FAM13A: variants seen among roughly 807,000 people sequenced by gnomAD.
The protein encoded by FAM13A is protein FAM13A.
Under a neutral mutation model 129.6 loss-of-function variants are expected in FAM13A, and 76 were observed. The observed-to-expected ratio is 0.59, with a 90% CI of 0.49 to 0.71. The LOEUF (loss-of-function observed/expected upper bound fraction) is 0.71, where lower values mean the gene tolerates loss of function less well. FAM13A is among the 30% of genes least tolerant of loss of function. The pLI is 0.00. For missense variants in FAM13A, 1,108 were observed against 1,249.3 expected (o/e 0.89, Z 1.70); for synonymous variants, 443 against 449.9 (o/e 0.98, Z 0.20).
At chr4:88,844,039 A>G (rs1044614010) in intron 7 of FAM13A, among the ~76,000 whole-genome samples, 11 of 152,350 alleles carry the variant, frequency 7.2e-5, no homozygotes, top group Middle Eastern at 3.4e-3. Flanking sequence ...TAGGTCAGCT[A>G]GATGAAGAAA....
intron 19 of FAM13A, among the ~76,000 whole-genome samples, chr4:88,740,472 G>T (rs1740001629): frequency 6.6e-6 from 1 of 152,174 alleles, no homozygotes; most frequent in Non-Finnish European, 1.5e-5. Context: ...ACATAAATAG[G>T]TGTGCCTGAT....
intron 1 of FAM13A, among the ~76,000 whole-genome samples, chr4:89,044,707 T>G (rs1367077031): frequency 6.6e-6 from 1 of 152,012 alleles, no homozygotes; most frequent in African/African-American, 2.4e-5. Context: ...AAATACAAGG[T>G]AGAATATACA....
At position 88,727,847 on chromosome 4, in the gene FAM13A, T is replaced by A. The variant is rs929547561; in HGVS notation, c.*686A>T. On this transcript the variant is annotated 3_prime_UTR_variant, in exon 24 of 24. Transcript: ENST00000264344. ...CTGTCCTCTGCAGATGACCCGGTCC[T>A]AGGCAGGGACCAAAATTCCTTGTCA... is the stretch of plus-strand genomic sequence containing the variant. 3 of 152,314 alleles carry A rather than the reference T, an allele frequency of 2.0e-5. No homozygotes were observed. Among genetic ancestry groups the A allele is most frequent in the African/African-American group, 7.2e-5 (3 of 41,468 alleles). 9.4% of individuals were successfully genotyped at this position (152,314 alleles called of 1,614,324 possible).
Position 88,791,835 on chromosome 4 carries a change from G to T in FAM13A, c.1050-1208C>A, listed in dbSNP as rs539397773. Among the ~76,000 whole-genome samples, 23 of 151,918 alleles carry T rather than the reference G, an allele frequency of 1.5e-4. No homozygotes were observed. In the South Asian group the frequency reaches 4.8e-3, roughly 32 times the overall value. On this transcript the variant is annotated intron_variant, in intron 8 of 23. Coordinates refer to ENST00000264344, the MANE Select transcript of FAM13A (RefSeq NM_014883.4). ...CAATGTAGAATCTCAAGGCCTCAAG[G>T]GACTGTACAATATTTCTCATTTTCT...
chr4:89,048,751 C>T (rs1422835304), intron 1 of FAM13A, among the ~76,000 whole-genome samples: 2 of 152,008 alleles, frequency 1.3e-5, no homozygotes, highest in African/African-American at 4.8e-5. Flanking sequence ...TTCAATAATT[C>T]TAGATGAAAT....
rs117625275 is a variant in FAM13A, at chr4:89,024,515, C to T, written c.218-3846G>A. ...ACCTTCATGCCAAATTGTTAAATTG[C>T]ATTTACGTGAAACAATAATAAAGCA... On this transcript the variant is annotated intron_variant, in intron 2 of 23. Transcript: ENST00000264344. Among the ~76,000 whole-genome samples the T allele has an allele frequency of 2.6e-3, 400 of 152,200 alleles. 13 individuals carry two copies. In the East Asian group the frequency reaches 0.059, roughly 23 times the overall value.
chr4:88,739,482 C>T (rs997125427), intron 19 of FAM13A, among the ~76,000 whole-genome samples: 14 of 151,844 alleles, frequency 9.2e-5, no homozygotes, highest in Admixed American at 3.3e-4. Context: ...TGCTATAAGA[C>T]GTATCATGTA....
chr4:88,835,641 T>C (rs72872120), intron 7 of FAM13A, among the ~76,000 whole-genome samples: 10,655 of 151,782 alleles, frequency 0.07, 531 homozygotes, highest in African/African-American at 0.14. Flanking sequence ...CTGGGGGAGA[T>C]GGGAGACAGT....
intron 5 of FAM13A, among the ~76,000 whole-genome samples, chr4:88,928,712 T>C (rs1354223333): frequency 5.6e-5 from 3 of 53,508 alleles, no homozygotes; most frequent in Non-Finnish European, 1.4e-4. Context: ...GTGGGTTTCT[T>C]GTGGGAGCAT....
rs138423322 is a variant in FAM13A, at chr4:88,872,679, A to G, written c.844-21496T>C. Among the ~76,000 whole-genome samples, 731 of 152,308 alleles carry G rather than the reference A, an allele frequency of 4.8e-3. 1 individual carries two copies. The highest frequency in any genetic ancestry group is 7.6e-3 in the Non-Finnish European group (520 of 68,018). On this transcript the variant is annotated intron_variant, in intron 6 of 23. Coordinates refer to ENST00000264344, the MANE Select transcript of FAM13A (RefSeq NM_014883.4). ...GCAAAGAGATGTAGACCCCCACACA[A>G]TAATAATGGGAGAGTTTTAACAACC...
At chr4:88,979,721 C>A (rs772452157) in intron 4 of FAM13A, among the ~76,000 whole-genome samples, 2 of 152,152 alleles carry the variant, frequency 1.3e-5, no homozygotes, top group Non-Finnish European at 2.9e-5. Context: ...CCCCTGTAAT[C>A]CCAGCATTTT....
intron 3 of FAM13A, among the ~76,000 whole-genome samples, chr4:89,009,929 G>T (rs563900213): frequency 6.6e-6 from 1 of 152,268 alleles, no homozygotes; most frequent in Admixed American, 6.5e-5. Context: ...CAGTTAAGAC[G>T]GCCCTTTTGA....
Position 88,958,658 on chromosome 4 carries a change from C to G in FAM13A, c.606-20417G>C, listed in dbSNP as rs191144845. On this transcript the variant is annotated intron_variant, in intron 4 of 23. Coordinates refer to ENST00000264344, the MANE Select transcript of FAM13A (RefSeq NM_014883.4). ...AAGCCCGCTGCAGGGGTTGAGCCCT[C>G]AGAGAGAACTTCTACTAGGACAGTG... Among the ~76,000 whole-genome samples, 880 of 152,340 alleles carry G rather than the reference C, an allele frequency of 5.8e-3. 7 individuals carry two copies. The highest frequency in any genetic ancestry group is 9.5e-3 in the Non-Finnish European group (646 of 68,034).
At position 88,737,505 on chromosome 4, in the gene FAM13A, CT is replaced by C; in HGVS notation, c.2612del (p.Glu871GlyfsTer11). The C allele has an allele frequency of 6.2e-7, 1 of 1,614,100 alleles. No homozygotes were observed. Among genetic ancestry groups the C allele is most frequent in the Non-Finnish European group, 8.5e-7 (1 of 1,179,982 alleles). On this transcript the variant is annotated frameshift_variant, in exon 21 of 24. Coordinates refer to ENST00000264344, the MANE Select transcript of FAM13A (RefSeq NM_014883.4). LOFTEE classifies it high-confidence loss of function. ...CCTTGAAGAAGGAAGCAGTTTCGCC[CT>C]CGATAATTGGCTGCAGCAAAGGGCT... ...RRSPLLQPII[E>X]GETASFFKEI...
chr4:88,932,695 A>G (rs538133629), intron 5 of FAM13A, among the ~76,000 whole-genome samples: 11 of 152,302 alleles, frequency 7.2e-5, no homozygotes, highest in African/African-American at 2.6e-4. Flanking sequence ...AGTGACTTTG[A>G]TTCTACATAA....
intron 7 of FAM13A, among the ~76,000 whole-genome samples, chr4:88,819,342 C>T (rs549407167): frequency 6.6e-6 from 1 of 152,294 alleles, no homozygotes; most frequent in Admixed American, 6.5e-5. Flanking sequence ...ATCTCATCTG[C>T]CATCATTATT....
intron 3 of FAM13A, among the ~76,000 whole-genome samples, chr4:89,003,300 C>T (rs1764530151): frequency 6.7e-6 from 1 of 149,074 alleles, no homozygotes; most frequent in Non-Finnish European, 1.5e-5. Flanking sequence ...AAAAAAACTG[C>T]ATCAAGTTTA....
Position 88,787,821 on chromosome 4 carries a change from A to G in FAM13A, c.1203T>C (p.Ser401=). The G allele has an allele frequency of 3.1e-6, 5 of 1,613,694 alleles. No homozygotes were observed. The highest frequency in any genetic ancestry group is 4.2e-6 in the Non-Finnish European group (5 of 1,179,728). Reference sequence around the variant, plus strand: ...GGCGGCGCTGTCTGGCAGATGTGGCAGAAGATGCTGATAGTGTTCCAGATT... The same window carrying G: ...GGCGGCGCTGTCTGGCAGATGTGGCGGAAGATGCTGATAGTGTTCCAGATT... ...DSESGTLSAS[S]ATSARQRRRQ... Residue 401 remains serine, a synonymous_variant, in exon 10 of 24, where the codon TCT becomes TCC. Coordinates refer to ENST00000264344, the MANE Select transcript of FAM13A (RefSeq NM_014883.4).
At chr4:88,945,425 G>C in intron 4 of FAM13A, among the ~76,000 whole-genome samples, 1 of 152,128 alleles carries the variant, frequency 6.6e-6, no homozygotes, top group East Asian at 1.9e-4. Context: ...CAAGATGCAT[G>C]GAATGAGACT....
Sources: gnomAD v4.1 joint callset for allele counts (sites outside exome capture counted in the v4.1 genomes callset) on GRCh38, gnomAD v4.1.1 for gene constraint, MANE v1.5 for transcripts, NCBI Gene and HGNC (gene_info 2026-07-23, HGNC 2026-07-21) for gene names.